Variants in ZNF626 observed in about 807,000 individuals in gnomAD.
The protein encoded by ZNF626 is zinc finger protein 626.
ZNF626 carries 4 observed loss-of-function variants against 11.7 expected under a neutral mutation model. The ratio of observed to expected loss-of-function variants is 0.34; its 90% CI spans 0.17 to 0.78. ZNF626 has a LOEUF of 0.78. ZNF626 is among the 30% of genes least tolerant of loss of function. ZNF626 has a pLI of 0.57. For missense variants in ZNF626, 588 were observed against 587.1 expected (o/e 1.00, Z -0.01); for synonymous variants, 179 against 198.6 (o/e 0.90, Z 0.83).
intron 1 of ZNF626, among the ~76,000 whole-genome samples, chr19:20,651,502 C>A (rs932598167): frequency 6.6e-6 from 1 of 152,078 alleles, no homozygotes; most frequent in Non-Finnish European, 1.5e-5. Flanking sequence ...TACCAGGAAA[C>A]TGGAGAAACT....
intron 1 of ZNF626, among the ~76,000 whole-genome samples, chr19:20,655,626 A>T (rs968021896): frequency 4.6e-5 from 7 of 152,196 alleles, no homozygotes; most frequent in Non-Finnish European, 8.8e-5. Context: ...ATCCCTTAAG[A>T]AAAGAGGGAA....
chr19:20,632,482 C>T (rs1057078828), intron 3 of ZNF626, among the ~76,000 whole-genome samples: 2 of 152,058 alleles, frequency 1.3e-5, no homozygotes, highest in Admixed American at 6.6e-5. Flanking sequence ...AGGCTTTGTT[C>T]GTTTCTTTTT....
chr19:20,632,575 C>T (rs950759905), intron 3 of ZNF626, among the ~76,000 whole-genome samples: 7 of 152,186 alleles, frequency 4.6e-5, no homozygotes, highest in South Asian at 2.1e-4. Flanking sequence ...TCCAGTTGAT[C>T]GCATCGGCTA....
chr19:20,640,890 T>C (rs572212058), intron 3 of ZNF626, among the ~76,000 whole-genome samples: 1 of 152,240 alleles, frequency 6.6e-6, no homozygotes, highest in South Asian at 2.1e-4. Context: ...CTCAAGCCCG[T>C]AATCCTAGCA....
rs1219412677 is a variant in ZNF626, at chr19:20,624,562, T to C, written c.1315A>G (p.Ile439Val). The C allele has an allele frequency of 6.2e-7, 1 of 1,605,266 alleles. No homozygotes were observed. The highest frequency in any genetic ancestry group is 2.3e-5 in the East Asian group (1 of 44,390). ...ECGKAFNQSSILTTHRRIHTG... is the reference protein window; with the variant it reads ...ECGKAFNQSSVLTTHRRIHTG... Reference sequence around the variant, plus strand: ...TGAATTCTCCTATGTGTAGTAAGGATTGAGGACTGGTTGAAGGCTTTGCCA... The same window carrying C: ...TGAATTCTCCTATGTGTAGTAAGGACTGAGGACTGGTTGAAGGCTTTGCCA... The change falls in exon 4 of 4, where the codon ATC becomes GTC. Residue 439 changes from isoleucine (I) to valine (V), a missense_variant. Transcript: ENST00000601440.
In ZNF626 at chr19:20,623,064, A is replaced by G. The variant is rs1462251281; in HGVS notation, c.*1226T>C. 1 of 152,306 alleles carries G rather than the reference A, an allele frequency of 6.6e-6. No homozygotes were observed. The highest frequency in any genetic ancestry group is 1.5e-5 in the Non-Finnish European group (1 of 68,046). 9.4% of individuals were successfully genotyped at this position (152,306 alleles called of 1,614,324 possible). A position where few individuals can be genotyped will look rare whatever the true frequency, so the allele number is the denominator to read the frequency against. On this transcript the variant is annotated 3_prime_UTR_variant, in exon 4 of 4. Transcript: ENST00000601440. Reference sequence around the variant, plus strand: ...GTATATTTGTAATGGTTGTCTTCAGAATAAATACTCTTCTTCACTTTAAAG... The same window carrying G: ...GTATATTTGTAATGGTTGTCTTCAGGATAAATACTCTTCTTCACTTTAAAG...
At chr19:20,626,893 T>G (rs1414119030) in intron 3 of ZNF626, among the ~76,000 whole-genome samples, 6 of 152,064 alleles carry the variant, frequency 3.9e-5, no homozygotes, top group African/African-American at 1.4e-4. Flanking sequence ...CAGCCACCTG[T>G]AACCCCAGCT....
intron 3 of ZNF626, among the ~76,000 whole-genome samples, chr19:20,642,455 G>C (rs1197029593): frequency 6.6e-6 from 1 of 152,108 alleles, no homozygotes; most frequent in Admixed American, 6.6e-5. Flanking sequence ...AGAATTGGCC[G>C]GGGGTGGTGG....
intron 1 of ZNF626, among the ~76,000 whole-genome samples, chr19:20,658,608 G>A (rs1364400071): frequency 6.6e-6 from 1 of 152,158 alleles, no homozygotes; most frequent in Non-Finnish European, 1.5e-5. Context: ...GGAGAGCAGA[G>A]CCTCCCATTT....
intron 1 of ZNF626, among the ~76,000 whole-genome samples, chr19:20,656,349 T>G (rs1970205475): frequency 6.6e-6 from 1 of 151,544 alleles, no homozygotes. Context: ...CAAGATAACA[T>G]AGAGAATAAC....
At chr19:20,645,251 A>G (rs1243657809) in intron 3 of ZNF626, 18 of 1,417,800 alleles carry the variant, frequency 1.3e-5, no homozygotes, top group Non-Finnish European at 1.7e-5. Context: ...AAAATGAACA[A>G]AAAAAAATTC....
Position 20,625,320 on chromosome 19 carries a change from G to A in ZNF626, c.557C>T (p.Ser186Leu), listed in dbSNP as rs187292121. ...IECGKAFKQF[S>L]TLTTHKKIHT... ...AATTTTCTTATGTGTAGTAAGAGTT[G>A]AGAACTGCTTAAAAGCTTTGCCACA... Residue 186 changes from serine (S) to leucine (L), a missense_variant, in exon 4 of 4, where the codon TCA becomes TTA. By Grantham distance (145) the Ser-to-Leu change is moderately radical. Coordinates refer to ENST00000601440, the MANE Select transcript of ZNF626 (RefSeq NM_001076675.3). 3.7e-6 allele frequency: 6 copies of A among 1,613,638 alleles called. No individual in the cohort carries two copies. The South Asian group carries it at 6.6e-5, about 18-fold the overall frequency.
At chr19:20,640,743 TTGA>T (rs1486078455) in intron 3 of ZNF626, among the ~76,000 whole-genome samples, 6 of 151,864 alleles carry the variant, frequency 4.0e-5, no homozygotes, top group Non-Finnish European at 8.8e-5. Flanking sequence ...ACCAAATCTG[TTGA>T]TGATGCAATA....
chr19:20,661,073 C>G (rs1330967923), intron 1 of ZNF626, among the ~76,000 whole-genome samples: 1 of 152,238 alleles, frequency 6.6e-6, no homozygotes, highest in Non-Finnish European at 1.5e-5. Context: ...AAAAGAGAAA[C>G]TGTAAACCCA....
rs1370147996 is a variant in ZNF626 at position 20,624,318 on chromosome 19, C to A, written c.1559G>T (p.Gly520Val). The A allele has an allele frequency of 6.2e-7, 1 of 1,613,298 alleles. No homozygotes were observed. The highest frequency in any genetic ancestry group is 8.5e-7 in the Non-Finnish European group (1 of 1,179,876). The change falls in exon 4 of 4, where the codon GGT becomes GTT. Residue 520 changes from glycine (G) to valine (V), a missense_variant. Physicochemically the swap from Gly to Val is moderately radical, Grantham distance 109 (BLOSUM62 -3). This residue lies in a region of ZNF626 where 43 missense variants were observed against 38.0 expected (regional missense o/e 1.13). Transcript: ENST00000601440. Reference sequence around the variant, plus strand: ...TCTTATGTGTAGTAAGGTGTGAGGACCGCTTGAAGGCTTTGCCACATTCTT... The same window carrying A: ...TCTTATGTGTAGTAAGGTGTGAGGAACGCTTGAAGGCTTTGCCACATTCTT... The part of the protein sequence containing the change: ...NVKNVAKPSS[G>V]PHTLLHIR
At chr19:20,644,005 C>A (rs1970049436) in intron 3 of ZNF626, among the ~76,000 whole-genome samples, 1 of 152,212 alleles carries the variant, frequency 6.6e-6, no homozygotes, top group Non-Finnish European at 1.5e-5. Flanking sequence ...ACTGAGAATT[C>A]TGAACTTACT....
chr19:20,625,376 A>T lies in ZNF626; in HGVS notation c.501T>A (p.His167Gln). ...TATATTTGAAAGGTTTTTTCCCAGT[A>T]TGTCCTCTCTTTTGTCCGTTTGAAT... is the stretch of plus-strand genomic sequence containing the variant. ...FPNSNGQKRGHTGKKPFKYIE... is the reference protein window; with the variant it reads ...FPNSNGQKRGQTGKKPFKYIE... Residue 167 changes from histidine to glutamine, a missense_variant, in exon 4 of 4, where the codon CAT becomes CAA. Physicochemically the swap from His to Gln is conservative, Grantham distance 24. Transcript: ENST00000601440. 1.9e-6 allele frequency: 3 copies of T among 1,614,048 alleles called. No individual in the cohort carries two copies. The highest frequency in any genetic ancestry group is 2.5e-6 in the Non-Finnish European group (3 of 1,180,002).
Position 20,645,815 on chromosome 19 carries a change from T to C in ZNF626, c.131-36A>G, listed in dbSNP as rs782232932. On this transcript the variant is annotated intron_variant, in intron 2 of 3. Transcript: ENST00000601440. Reference sequence around the variant, plus strand: ...AAAAATAAATAACATAAATCTTGCTTATGTTCTCCAATTACAAGCTAGTAA... The same window carrying C: ...AAAAATAAATAACATAAATCTTGCTCATGTTCTCCAATTACAAGCTAGTAA... 3.9e-6 allele frequency: 6 copies of C among 1,539,966 alleles called. No homozygotes were observed. In the African/African-American group the frequency reaches 8.2e-5, roughly 21 times the overall value.
intron 3 of ZNF626, among the ~76,000 whole-genome samples, chr19:20,640,856 C>T (rs1310967707): frequency 1.3e-5 from 2 of 151,802 alleles, no homozygotes; most frequent in South Asian, 2.1e-4. Context: ...ATCCAAAATA[C>T]GTAAAAAAAG....
Sources: gnomAD v4.1 joint callset for allele counts (sites outside exome capture counted in the v4.1 genomes callset) on GRCh38, gnomAD v4.1.1 for gene constraint, gnomAD v4.1.1 regional missense constraint, MANE v1.5 for transcripts, NCBI Gene and HGNC (gene_info 2026-07-23, HGNC 2026-07-21) for gene names.